The following STYXL1 variants were observed in gnomAD, a reference collection of about 807,000 sequenced individuals.
The protein encoded by STYXL1 is serine/threonine/tyrosine-interacting-like protein 1.
In STYXL1, 32 loss-of-function variants were observed where a neutral mutation model predicts 36.4. That is an observed-to-expected ratio of 0.88 (90% CI 0.66 to 1.18). The LOEUF (loss-of-function observed/expected upper bound fraction) is 1.18, where lower values mean the gene tolerates loss of function less well. Among genes scored for constraint, STYXL1 ranks in the 50% most tolerant of loss-of-function variants. The pLI is 0.00. For synonymous variants in STYXL1, 133 were observed against 144.1 expected, an observed-to-expected ratio of 0.92 and a Z score of 0.55; for missense variants, 354 against 394.1, an observed-to-expected ratio of 0.90 and a Z score of 0.86.
intron 7 of STYXL1, among the ~76,000 whole-genome samples, chr7:76,002,559 G>A (rs1022116499): frequency 6.6e-6 from 1 of 152,164 alleles, no homozygotes; most frequent in Non-Finnish European, 1.5e-5. Flanking sequence ...CTGCCATCTC[G>A]AGGTGGGACA....
At chr7:76,001,920 A>G (rs1790990958) in intron 7 of STYXL1, among the ~76,000 whole-genome samples, 1 of 149,982 alleles carries the variant, frequency 6.7e-6, no homozygotes, top group South Asian at 2.1e-4. Flanking sequence ...AATGACAGGT[A>G]AGAACCACTG....
intron 5 of STYXL1, among the ~76,000 whole-genome samples, chr7:76,009,359 CT>C (rs1224378520): frequency 6.6e-6 from 1 of 151,774 alleles, no homozygotes; most frequent in African/African-American, 2.4e-5. Context: ...TCCCAGCCCC[CT>C]CTCTCTCCTA....
intron 4 of STYXL1, among the ~76,000 whole-genome samples, chr7:76,017,370 C>T (rs782719719): frequency 1.3e-5 from 2 of 152,032 alleles, no homozygotes; most frequent in Non-Finnish European, 2.9e-5. Context: ...CAGAATACTA[C>T]ACAGCTATAA....
At chr7:76,014,860 A>G (rs1401944134) in intron 4 of STYXL1, among the ~76,000 whole-genome samples, 7 of 152,134 alleles carry the variant, frequency 4.6e-5, no homozygotes, top group South Asian at 2.1e-4. Flanking sequence ...AAAGTGTGCA[A>G]TTCAAAACAT....
intron 3 of STYXL1, among the ~76,000 whole-genome samples, chr7:76,028,119 C>T (rs1253078296): frequency 1.3e-5 from 2 of 152,146 alleles, no homozygotes; most frequent in African/African-American, 4.8e-5. Flanking sequence ...ACTACAAACT[C>T]CGCCTCCCAG....
chr7:76,001,970 G>T (rs926516858), intron 7 of STYXL1, among the ~76,000 whole-genome samples: 1 of 150,908 alleles, frequency 6.6e-6, no homozygotes, highest in Non-Finnish European at 1.5e-5. Flanking sequence ...TAGAGACTGG[G>T]TCTTGCTCTG....
In STYXL1 at chr7:76,030,472, G is replaced by C. The variant is rs142948171; in HGVS notation, c.52C>G (p.Gln18Glu). Reference protein sequence around the residue: ...EPTELYNILNQATKLSRLTDP... With the variant: ...EPTELYNILNEATKLSRLTDP... ...GTTAATCTGGAGAGTTTTGTGGCCTGATTCAGGATGTTGTAAAGCTCTGTT... is the reference window on the plus strand; with the variant it reads ...GTTAATCTGGAGAGTTTTGTGGCCTCATTCAGGATGTTGTAAAGCTCTGTT... Residue 18 changes from glutamine (Q) to glutamate (E), a missense_variant, in exon 2 of 9, where the codon CAG becomes GAG. Physicochemically the swap from Gln to Glu is conservative, Grantham distance 29. Coordinates refer to ENST00000359697, the MANE Select transcript of STYXL1 (RefSeq NM_001317785.2). 1.1e-5 allele frequency: 18 copies of C among 1,614,040 alleles called. No homozygotes were observed. In the African/African-American group the frequency reaches 2.4e-4, roughly 22 times the overall value.
chr7:76,030,679 T>G (rs1284060462), intron 1 of STYXL1, among the ~76,000 whole-genome samples, 152 bp from the exon 2 acceptor site: 1 of 151,952 alleles, frequency 6.6e-6, no homozygotes, highest in Non-Finnish European at 1.5e-5. Context: ...CAAAACTGTA[T>G]AGTGAAATAT....
intron 3 of STYXL1, among the ~76,000 whole-genome samples, chr7:76,025,548 G>C (rs1554577452): frequency 6.6e-6 from 1 of 152,144 alleles, no homozygotes; most frequent in Non-Finnish European, 1.5e-5. Flanking sequence ...CCAGCACTTT[G>C]GAAGGTCAAG....
chr7:75,996,709 C>T (rs1790178426), intron 8 of STYXL1, 110 bp from the exon 9 acceptor site: 15 of 1,030,050 alleles, frequency 1.5e-5, no homozygotes, highest in African/African-American at 3.2e-5. Context: ...GCCAGCAACA[C>T]GGCTTAAGGG....
At chr7:76,040,458 C>T (rs1217717467) in intron 1 of STYXL1, among the ~76,000 whole-genome samples, 2 of 152,210 alleles carry the variant, frequency 1.3e-5, no homozygotes, top group African/African-American at 4.8e-5. Flanking sequence ...GCCAGTCCAA[C>T]ACCTCCCGGT....
At chr7:76,019,491 A>G (rs1303631419) in intron 4 of STYXL1, among the ~76,000 whole-genome samples, 2 of 150,666 alleles carry the variant, frequency 1.3e-5, no homozygotes, top group East Asian at 3.9e-4. Flanking sequence ...TTTGGTAGAG[A>G]CGGGGCCTTG....
intron 4 of STYXL1, among the ~76,000 whole-genome samples, chr7:76,014,615 A>G (rs1233179003): frequency 6.6e-6 from 1 of 151,936 alleles, no homozygotes; most frequent in Non-Finnish European, 1.5e-5. Context: ...AGCCTCCCAG[A>G]GTGCTGAGAT....
At chr7:76,035,518 G>A (rs1467012712) in intron 1 of STYXL1, among the ~76,000 whole-genome samples, 1 of 149,736 alleles carries the variant, frequency 6.7e-6, no homozygotes, top group East Asian at 1.9e-4. Flanking sequence ...TTACCATTAT[G>A]GCCTTTCCCA....
chr7:76,021,141 G>A (rs1167280046), intron 4 of STYXL1, among the ~76,000 whole-genome samples: 2 of 150,272 alleles, frequency 1.3e-5, no homozygotes, highest in African/African-American at 2.5e-5. Flanking sequence ...GCAGTGGCGT[G>A]ATCTCCGCTC....
At chr7:76,025,346 T>C (rs1297945953) in intron 3 of STYXL1, among the ~76,000 whole-genome samples, 4 of 151,532 alleles carry the variant, frequency 2.6e-5, no homozygotes, top group African/African-American at 7.3e-5. Flanking sequence ...TCAGTCTGAA[T>C]TGGAGACGCT....
At chr7:76,001,472 CCT>C (rs565160561) in intron 7 of STYXL1, among the ~76,000 whole-genome samples, 15 of 152,226 alleles carry the variant, frequency 9.9e-5, no homozygotes, top group Non-Finnish European at 1.9e-4. Flanking sequence ...CCTTTCTTCT[CCT>C]CTCTACTCCT....
At chr7:76,031,053 C>T (rs1375141021) in intron 1 of STYXL1, among the ~76,000 whole-genome samples, 4 of 151,650 alleles carry the variant, frequency 2.6e-5, no homozygotes, top group Non-Finnish European at 1.5e-5. Flanking sequence ...CCCAGCTACT[C>T]AGGGGGCTGA....
At chr7:76,012,955 C>T (rs1291653524) in intron 5 of STYXL1, among the ~76,000 whole-genome samples, 1 of 152,176 alleles carries the variant, frequency 6.6e-6, no homozygotes, top group East Asian at 1.9e-4. Flanking sequence ...ACCTTGGTAT[C>T]GGTCCACCAT....
Sources: gnomAD v4.1 joint callset for allele counts (sites outside exome capture counted in the v4.1 genomes callset) on GRCh38, gnomAD v4.1.1 for gene constraint, MANE v1.5 for transcripts, NCBI Gene and HGNC (gene_info 2026-07-23, HGNC 2026-07-21) for gene names.